AGBL3: variants seen among roughly 807,000 people sequenced by gnomAD.
AGBL3 encodes cytosolic carboxypeptidase 3.
Under a neutral mutation model 94.5 loss-of-function variants are expected in AGBL3, and 68 were observed. The ratio of observed to expected loss-of-function variants is 0.72; its 90% CI spans 0.59 to 0.88. The LOEUF is 0.88. Among genes scored for constraint, AGBL3 ranks in the 40% least tolerant of loss-of-function variants. The pLI, the probability that AGBL3 is intolerant of heterozygous loss-of-function variation, is 0.00. For synonymous variants in AGBL3, 354 were observed against 370.7 expected (o/e 0.95, Z 0.52); for missense variants, 934 against 1,103.8 (o/e 0.85, Z 2.18).
chr7:135,005,503 A>G (rs759086422), intron 4 of AGBL3, among the ~76,000 whole-genome samples: 2 of 151,750 alleles, frequency 1.3e-5, no homozygotes, highest in Non-Finnish European at 3.0e-5. Context: ...CATGATTAGG[A>G]CTCAGCTCAA....
At chr7:135,007,642 T>C (rs1474781485) in intron 4 of AGBL3, among the ~76,000 whole-genome samples, 1 of 151,900 alleles carries the variant, frequency 6.6e-6, no homozygotes, top group African/African-American at 2.4e-5. Flanking sequence ...TTATACGACA[T>C]TGTAATGGAG....
chr7:135,075,892 A>G (rs1820401448), intron 12 of AGBL3, among the ~76,000 whole-genome samples: 1 of 152,062 alleles, frequency 6.6e-6, no homozygotes, highest in African/African-American at 2.4e-5. Flanking sequence ...CACTGACACT[A>G]CCTTGAAAAA....
chr7:135,016,705 A>G (rs891347355), intron 4 of AGBL3, among the ~76,000 whole-genome samples: 1 of 152,190 alleles, frequency 6.6e-6, no homozygotes, highest in African/African-American at 2.4e-5. Context: ...AGGGAAAGGA[A>G]GAATAAAAGG....
At chr7:135,126,588 C>T (rs1172908151) in intron 16 of AGBL3, among the ~76,000 whole-genome samples, 1 of 152,200 alleles carries the variant, frequency 6.6e-6, no homozygotes, top group African/African-American at 2.4e-5. Context: ...CAAGACAATC[C>T]TAAGCAGAAG....
At chr7:135,055,001 A>G (rs1156762151) in intron 11 of AGBL3, among the ~76,000 whole-genome samples, 2 of 152,002 alleles carry the variant, frequency 1.3e-5, no homozygotes, top group Non-Finnish European at 2.9e-5. Context: ...ACATCATAAC[A>G]TGGCAGAGAA....
intron 15 of AGBL3, chr7:135,101,151 T>C (rs1449515823): frequency 2.2e-6 from 1 of 455,856 alleles, no homozygotes; most frequent in Non-Finnish European, 4.4e-6. Context: ...GAGAGGCCAA[T>C]CTAGGAAAAA....
chr7:135,032,756 A>T, intron 5 of AGBL3, 88 bp from the exon 6 acceptor site: 2 of 1,256,934 alleles, frequency 1.6e-6, no homozygotes, highest in South Asian at 4.0e-5. Context: ...CAATCCTTAC[A>T]CTTGTACTAT....
chr7:135,093,257 G>A (rs1430757417), intron 15 of AGBL3: 1 of 151,626 alleles, frequency 6.6e-6, no homozygotes, highest in African/African-American at 2.4e-5. Flanking sequence ...CTATTTGTAG[G>A]ATATATGTTC....
chr7:135,128,358 G>C, intron 16 of AGBL3: 1 of 322,816 alleles, frequency 3.1e-6, no homozygotes, highest in Non-Finnish European at 5.7e-6. Context: ...TTTGTAAACT[G>C]TCATGGCCCT....
intron 5 of AGBL3, among the ~76,000 whole-genome samples, chr7:135,020,066 T>C (rs1814257180): frequency 6.6e-6 from 1 of 152,074 alleles, no homozygotes; most frequent in South Asian, 2.1e-4. Flanking sequence ...ACAAATGGGA[T>C]CTAATTAAAC....
chr7:135,092,343 A>G (rs1421621458), intron 15 of AGBL3: 3 of 152,254 alleles, frequency 2.0e-5, no homozygotes, highest in African/African-American at 4.8e-5. Flanking sequence ...ATATAGCTAC[A>G]TAAAATTTTG....
At chr7:135,041,229 C>A (rs981532126) in intron 8 of AGBL3, among the ~76,000 whole-genome samples, 2 of 151,960 alleles carry the variant, frequency 1.3e-5, no homozygotes, top group Non-Finnish European at 2.9e-5. Flanking sequence ...GAGTTTCAGA[C>A]AAAATCACAG....
intron 16 of AGBL3, among the ~76,000 whole-genome samples, chr7:135,132,546 T>C (rs971492137): frequency 2.6e-5 from 4 of 152,186 alleles, no homozygotes; most frequent in African/African-American, 7.2e-5. Flanking sequence ...CCACTTGATA[T>C]AGTTTGGCTG....
chr7:135,100,720 T>A (rs375658471), intron 15 of AGBL3, among the ~76,000 whole-genome samples: 2 of 152,228 alleles, frequency 1.3e-5, no homozygotes, highest in Non-Finnish European at 2.9e-5. Context: ...CTTAATTTTT[T>A]AAAATGTATT....
chr7:135,069,035 C>G (rs1399442874), intron 12 of AGBL3, among the ~76,000 whole-genome samples: 5 of 152,134 alleles, frequency 3.3e-5, no homozygotes, highest in African/African-American at 2.4e-5. Context: ...GGAGGAAGAT[C>G]TGTCAAGCAA....
At chr7:135,021,313 A>G (rs1331031916) in intron 5 of AGBL3, among the ~76,000 whole-genome samples, 1 of 145,370 alleles carries the variant, frequency 6.9e-6, no homozygotes, top group African/African-American at 2.6e-5. Context: ...TTTTTTTGAG[A>G]CAGAGTCTCG....
At chr7:135,108,736 G>A (rs1825153444) in intron 15 of AGBL3, among the ~76,000 whole-genome samples, 1 of 152,138 alleles carries the variant, frequency 6.6e-6, no homozygotes, top group Admixed American at 6.5e-5. Context: ...TTTGACTGAT[G>A]GCCTCTCTAG....
At chr7:135,127,408 C>T (rs570591672) in intron 16 of AGBL3, among the ~76,000 whole-genome samples, 8 of 151,996 alleles carry the variant, frequency 5.3e-5, no homozygotes, top group South Asian at 2.1e-4. Flanking sequence ...AAAAATTAGC[C>T]GGGGTGTGGT....
In AGBL3 at chr7:135,075,826, A is replaced by G. The variant is rs80076757; in HGVS notation, c.1909-571A>G. On this transcript the variant is annotated intron_variant, in intron 12 of 16. Transcript: ENST00000436302. Reference sequence around the variant, plus strand: ...TTTAATTTGCATTTCCATAACAGTTAAACGATGTTGAATATCTTTTCACAT... The same window carrying G: ...TTTAATTTGCATTTCCATAACAGTTGAACGATGTTGAATATCTTTTCACAT... Among the ~76,000 whole-genome samples, 736 of 152,322 alleles carry G rather than the reference A, an allele frequency of 4.8e-3. 24 individuals carry two copies. In the East Asian group the frequency reaches 0.059, roughly 12 times the overall value.
Sources: gnomAD v4.1 joint callset for allele counts (sites outside exome capture counted in the v4.1 genomes callset) on GRCh38, gnomAD v4.1.1 for gene constraint, MANE v1.5 for transcripts, NCBI Gene and HGNC (gene_info 2026-07-23, HGNC 2026-07-21) for gene names.